TBX15: variants seen among roughly 807,000 people sequenced by gnomAD.
The protein encoded by TBX15 is T-box transcription factor 15.
In TBX15, 18 loss-of-function variants were observed where a neutral mutation model predicts 53.9. That is an observed-to-expected ratio of 0.33 (90% CI 0.23 to 0.49). The LOEUF is 0.49. Among genes scored for constraint, TBX15 ranks in the 20% least tolerant of loss-of-function variants. The pLI, the probability that TBX15 is intolerant of heterozygous loss-of-function variation, is 0.98. For missense variants in TBX15, 692 were observed against 749.5 expected, an observed-to-expected ratio of 0.92 and a Z score of 0.90; for synonymous variants, 295 against 278.0, an observed-to-expected ratio of 1.06 and a Z score of -0.61.
At chr1:118,893,326 G>GGAAGGA (rs1557872418) in intron 7 of TBX15, among the ~76,000 whole-genome samples, 3 of 90,458 alleles carry the variant, frequency 3.3e-5, no homozygotes, top group African/African-American at 1.1e-4. Flanking sequence ...AAGAAAGAAA[G>GGAAGGA]AAGAAAGAAG....
intron 6 of TBX15, among the ~76,000 whole-genome samples, 181 bp from the exon 7 acceptor site, chr1:118,899,306 T>C (rs1049781019): frequency 1.3e-5 from 2 of 152,098 alleles, no homozygotes; most frequent in Non-Finnish European, 2.9e-5. Context: ...GCAGGGGGAA[T>C]AACAAATTAA....
At chr1:118,894,382 G>A (rs565755031) in intron 7 of TBX15, among the ~76,000 whole-genome samples, 77 of 152,158 alleles carry the variant, frequency 5.1e-4, no homozygotes, top group Non-Finnish European at 7.8e-4. Context: ...GAACATGCAA[G>A]GTCTAGCGAC....
At chr1:118,943,222 C>T (rs1246814395) in intron 1 of TBX15, among the ~76,000 whole-genome samples, 1 of 152,172 alleles carries the variant, frequency 6.6e-6, no homozygotes, top group African/African-American at 2.4e-5. Flanking sequence ...ACTTCCCTGT[C>T]CCTATGAGAG....
intron 1 of TBX15, among the ~76,000 whole-genome samples, chr1:118,946,012 C>T (rs921188005): frequency 1.3e-5 from 2 of 151,990 alleles, no homozygotes; most frequent in Non-Finnish European, 2.9e-5. Flanking sequence ...GGCAGATTTC[C>T]CTTTTTATAC....
intron 1 of TBX15, among the ~76,000 whole-genome samples, chr1:118,943,518 G>T (rs1443658069): frequency 6.6e-6 from 1 of 152,132 alleles, no homozygotes; most frequent in Non-Finnish European, 1.5e-5. Flanking sequence ...AAGTGATAAG[G>T]TCTAAAAGAA....
chr1:118,971,434 A>G (rs1024447728), intron 1 of TBX15, among the ~76,000 whole-genome samples: 12 of 152,210 alleles, frequency 7.9e-5, no homozygotes, highest in Admixed American at 2.0e-4. Context: ...ACCCATCACT[A>G]AAGTTTGACA....
intron 1 of TBX15, among the ~76,000 whole-genome samples, chr1:118,969,307 C>T (rs555417207): frequency 1.3e-5 from 2 of 152,260 alleles, no homozygotes; most frequent in South Asian, 2.1e-4. Context: ...AGGCAGTGAC[C>T]TTCTGGGGTT....
At chr1:118,928,763 T>C (rs1013051168) in intron 2 of TBX15, among the ~76,000 whole-genome samples, 2 of 152,214 alleles carry the variant, frequency 1.3e-5, no homozygotes, top group Admixed American at 6.5e-5. Flanking sequence ...ATCTGTTCTG[T>C]CTGGAACCAT....
intron 6 of TBX15, among the ~76,000 whole-genome samples, chr1:118,904,025 G>A (rs1301787955): frequency 1.3e-5 from 2 of 152,192 alleles, no homozygotes; most frequent in Non-Finnish European, 2.9e-5. Flanking sequence ...TTTTCTAGTA[G>A]ACTTAACAGT....
chr1:118,930,244 A>G (rs1213341121), intron 2 of TBX15, among the ~76,000 whole-genome samples: 1 of 152,216 alleles, frequency 6.6e-6, no homozygotes, highest in African/African-American at 2.4e-5. Context: ...GGCTATGTTC[A>G]TGAAAACAGC....
At chr1:118,891,585 A>C (rs919679763) in intron 7 of TBX15, among the ~76,000 whole-genome samples, 2 of 152,072 alleles carry the variant, frequency 1.3e-5, no homozygotes, top group Admixed American at 6.6e-5. Context: ...CCCCCCTACC[A>C]CAGTAATTAA....
At chr1:118,921,901 G>A (rs1342386244) in intron 5 of TBX15, among the ~76,000 whole-genome samples, 1 of 152,186 alleles carries the variant, frequency 6.6e-6, no homozygotes, top group Non-Finnish European at 1.5e-5. Context: ...TAAAAACACA[G>A]TAAGAGGTGA....
At chr1:118,970,591 T>C (rs1657204694) in intron 1 of TBX15, among the ~76,000 whole-genome samples, 2 of 152,190 alleles carry the variant, frequency 1.3e-5, no homozygotes, top group Admixed American at 6.5e-5. Flanking sequence ...TGAGGCTGTT[T>C]TTCTCCTTGA....
chr1:118,982,152 T>A (rs1169811979), intron 1 of TBX15, among the ~76,000 whole-genome samples: 1 of 152,190 alleles, frequency 6.6e-6, no homozygotes, highest in Non-Finnish European at 1.5e-5. Flanking sequence ...AGGAGAAAGG[T>A]ATATAGCATG....
intron 1 of TBX15, among the ~76,000 whole-genome samples, chr1:118,942,003 A>G (rs1194407942): frequency 2.6e-5 from 4 of 152,312 alleles, no homozygotes; most frequent in South Asian, 2.1e-4. Flanking sequence ...TTGCATTAAT[A>G]CTTCATCAAC....
chr1:118,885,654 C>T (rs1653915628), intron 7 of TBX15, 138 bp from the exon 8 acceptor site: 4 of 997,176 alleles, frequency 4.0e-6, no homozygotes, highest in Non-Finnish European at 6.1e-6. Flanking sequence ...TTCCTCTTAA[C>T]TCAGCAGACC....
At chr1:118,966,263 T>C (rs1406036290) in intron 1 of TBX15, among the ~76,000 whole-genome samples, 1 of 152,172 alleles carries the variant, frequency 6.6e-6, no homozygotes, top group Non-Finnish European at 1.5e-5. Context: ...TGGAGGCCCA[T>C]GAACAGAAGA....
At chr1:118,922,334 T>G (rs1440661127) in intron 5 of TBX15, among the ~76,000 whole-genome samples, 1 of 152,178 alleles carries the variant, frequency 6.6e-6, no homozygotes, top group African/African-American at 2.4e-5. Context: ...AACAATGCAC[T>G]TTTTCCTTAA....
intron 7 of TBX15, among the ~76,000 whole-genome samples, chr1:118,895,869 A>G (rs941564522): frequency 1.3e-5 from 2 of 152,246 alleles, no homozygotes; most frequent in Non-Finnish European, 1.5e-5. Context: ...AAGAAAGAAT[A>G]AGAAAAATAA....
Sources: gnomAD v4.1 joint callset for allele counts (sites outside exome capture counted in the v4.1 genomes callset) on GRCh38, gnomAD v4.1.1 for gene constraint, MANE v1.5 for transcripts, NCBI Gene and HGNC (gene_info 2026-07-23, HGNC 2026-07-21) for gene names.